Variants in VTI1A observed in about 807,000 individuals in gnomAD.
VTI1A encodes the protein vesicle transport through interaction with t-SNAREs homolog 1A.
In VTI1A, 22 loss-of-function variants were observed where a neutral mutation model predicts 34.9. The ratio of observed to expected loss-of-function variants is 0.63; its 90% CI spans 0.45 to 0.90. The LOEUF is 0.90. Among genes scored for constraint, VTI1A ranks in the 40% least tolerant of loss-of-function variants. VTI1A has a pLI of 0.00. For synonymous variants in VTI1A, 87 were observed against 97.3 expected (o/e 0.89, Z 0.62); for missense variants, 268 against 275.6 (o/e 0.97, Z 0.20).
intron 7 of VTI1A, chr10:112,736,976 A>G (rs1850504178): frequency 3.4e-6 from 2 of 593,692 alleles, no homozygotes; most frequent in East Asian, 5.5e-5. Flanking sequence ...GTTCTGGGTG[A>G]TTTATCTGGT....
chr10:112,590,538 G>T (rs1388605134), intron 5 of VTI1A, among the ~76,000 whole-genome samples: 2 of 151,710 alleles, frequency 1.3e-5, no homozygotes, highest in Non-Finnish European at 2.9e-5. Flanking sequence ...AAATTTTCCA[G>T]ACATGGTGGC....
intron 7 of VTI1A, chr10:112,752,450 T>C (rs2133994044): frequency 1.0e-6 from 1 of 985,416 alleles, no homozygotes; most frequent in East Asian, 1.1e-4. Flanking sequence ...GCTGAAAGAA[T>C]AGCTTGGAGA....
At chr10:112,603,070 T>C (rs1844937324) in intron 5 of VTI1A, among the ~76,000 whole-genome samples, 1 of 152,256 alleles carries the variant, frequency 6.6e-6, no homozygotes. Flanking sequence ...TGGAGATTCA[T>C]GGAGTGGGTT....
rs191657561 is a variant in VTI1A, at chr10:112,790,387, G to T, written c.561-24903G>T. ...ATATATATACTTTCCCACTCCATAA[G>T]AGATGCATAGAGAGCTTATCTAGCA... On this transcript the variant is annotated intron_variant, in intron 7 of 7. Transcript: ENST00000393077. Among the ~76,000 whole-genome samples, 1,079 of 152,244 alleles carry T rather than the reference G, an allele frequency of 7.1e-3. 8 individuals carry two copies. The highest frequency in any genetic ancestry group is 9.2e-3 in the Non-Finnish European group (626 of 68,014).
chr10:112,778,011 A>G (rs942369810), intron 7 of VTI1A, among the ~76,000 whole-genome samples: 5 of 152,150 alleles, frequency 3.3e-5, no homozygotes, highest in Admixed American at 1.3e-4. Context: ...CTGAGGCAGG[A>G]GAATCGCTTG....
chr10:112,483,404 G>A (rs1197815536), intron 3 of VTI1A, among the ~76,000 whole-genome samples: 7 of 151,950 alleles, frequency 4.6e-5, no homozygotes, highest in Non-Finnish European at 1.0e-4. Flanking sequence ...TCGAGTGTCT[G>A]ATGCATTTCT....
intron 7 of VTI1A, among the ~76,000 whole-genome samples, chr10:112,782,528 T>A (rs74544301): frequency 6.6e-6 from 1 of 152,202 alleles, no homozygotes; most frequent in African/African-American, 2.4e-5. Context: ...GAAGTCTGGC[T>A]AAAGAGCAGC....
intron 7 of VTI1A, among the ~76,000 whole-genome samples, chr10:112,683,472 G>A (rs960588088): frequency 6.6e-6 from 1 of 151,736 alleles, no homozygotes; most frequent in Non-Finnish European, 1.5e-5. Flanking sequence ...GTTTTATTTG[G>A]GAATATTCTT....
intron 7 of VTI1A, among the ~76,000 whole-genome samples, chr10:112,732,753 C>T (rs1850311434): frequency 6.6e-6 from 1 of 152,136 alleles, no homozygotes. Context: ...CCTTTATTCC[C>T]CTTGGGCTAC....
At chr10:112,593,535 T>C (rs1196527578) in intron 5 of VTI1A, among the ~76,000 whole-genome samples, 2 of 152,116 alleles carry the variant, frequency 1.3e-5, no homozygotes, top group East Asian at 3.9e-4. Context: ...ATTTTTCTGA[T>C]TATAAAAATA....
chr10:112,734,659 T>C (rs1396857657), intron 7 of VTI1A, among the ~76,000 whole-genome samples: 6 of 151,474 alleles, frequency 4.0e-5, no homozygotes, highest in Non-Finnish European at 8.8e-5. Context: ...AATTTCTTTT[T>C]TTTTTTTTTT....
chr10:112,647,844 G>A (rs556094516), intron 5 of VTI1A, among the ~76,000 whole-genome samples: 34 of 151,998 alleles, frequency 2.2e-4, no homozygotes, highest in Middle Eastern at 3.4e-3. Flanking sequence ...ATCTTGGCTC[G>A]CTGCAACCTT....
At chr10:112,640,447 A>AC (rs1846523458) in intron 5 of VTI1A, among the ~76,000 whole-genome samples, 1 of 151,806 alleles carries the variant, frequency 6.6e-6, no homozygotes, top group Non-Finnish European at 1.5e-5. Context: ...TCCTGCTCCC[A>AC]CCTCTCATGG....
chr10:112,449,278 A>G (rs758604665), intron 1 of VTI1A: 16 of 152,218 alleles, frequency 1.1e-4, no homozygotes, highest in Non-Finnish European at 1.9e-4. Flanking sequence ...CAGTAGAAAC[A>G]TTTCTTTGGG....
At chr10:112,778,964 A>C (rs565946070) in intron 7 of VTI1A, among the ~76,000 whole-genome samples, 80 of 152,322 alleles carry the variant, frequency 5.3e-4, no homozygotes, top group South Asian at 1.0e-3. Flanking sequence ...ACATTTTCCT[A>C]AAAGAAGGAA....
chr10:112,706,839 C>G (rs375114210), intron 7 of VTI1A, among the ~76,000 whole-genome samples: 6 of 152,278 alleles, frequency 3.9e-5, no homozygotes, highest in African/African-American at 1.2e-4. Flanking sequence ...TTTGTCACCC[C>G]AGAAACAGAC....
chr10:112,661,741 G>C (rs1416773269), intron 5 of VTI1A, among the ~76,000 whole-genome samples: 1 of 140,064 alleles, frequency 7.1e-6, no homozygotes, highest in Admixed American at 7.1e-5. Flanking sequence ...TCTCCTGAAT[G>C]TATCTTTTTT....
intron 7 of VTI1A, among the ~76,000 whole-genome samples, chr10:112,800,842 G>A (rs1306168168): frequency 2.0e-5 from 3 of 152,166 alleles, no homozygotes; most frequent in Non-Finnish European, 4.4e-5. Context: ...CATAAATAAA[G>A]AACATTTTCA....
intron 3 of VTI1A, among the ~76,000 whole-genome samples, chr10:112,481,530 G>A (rs60415960): frequency 2.0e-4 from 30 of 152,276 alleles, no homozygotes; most frequent in African/African-American, 7.2e-4. Context: ...AGGGAAATAT[G>A]GTTATAAAAG....
Sources: gnomAD v4.1 joint callset for allele counts (sites outside exome capture counted in the v4.1 genomes callset) on GRCh38, gnomAD v4.1.1 for gene constraint, MANE v1.5 for transcripts, NCBI Gene and HGNC (gene_info 2026-07-23, HGNC 2026-07-21) for gene names.